The following UST variants were observed in gnomAD, a reference collection of about 807,000 sequenced individuals.
UST encodes the protein chondroitin sulfate 2-O-sulfotransferase.
Under a neutral mutation model 45.6 loss-of-function variants are expected in UST, and 21 were observed. The observed-to-expected ratio is 0.46, with a 90% CI of 0.33 to 0.66. UST has a LOEUF of 0.66. UST is among the 30% of genes least tolerant of loss of function. The pLI is 0.02. For synonymous variants in UST, 215 were observed against 200.6 expected, an observed-to-expected ratio of 1.07 and a Z score of -0.61; for missense variants, 463 against 512.4, an observed-to-expected ratio of 0.90 and a Z score of 0.93.
intron 1 of UST, among the ~76,000 whole-genome samples, chr6:148,880,648 G>T (rs1257569489): frequency 1.3e-5 from 2 of 152,152 alleles, no homozygotes; most frequent in African/African-American, 4.8e-5. Context: ...ATCATGAAGG[G>T]CTAGATGGGT....
intron 4 of UST, among the ~76,000 whole-genome samples, chr6:148,961,732 A>G (rs935934640): frequency 1.3e-5 from 2 of 152,224 alleles, no homozygotes; most frequent in Non-Finnish European, 2.9e-5. Context: ...ACTGTATGGG[A>G]TGGTAGGGTA....
At chr6:148,862,577 A>T (rs1778340363) in intron 1 of UST, among the ~76,000 whole-genome samples, 1 of 152,184 alleles carries the variant, frequency 6.6e-6, no homozygotes, top group Non-Finnish European at 1.5e-5. Context: ...TAGTTGATGC[A>T]GTTTCTTTCT....
intron 1 of UST, among the ~76,000 whole-genome samples, chr6:148,877,882 G>A (rs538099366): frequency 1.1e-4 from 12 of 107,974 alleles, no homozygotes; most frequent in East Asian, 3.2e-4. Flanking sequence ...TGTGGGGATC[G>A]TGTATGAGTT....
intron 2 of UST, among the ~76,000 whole-genome samples, chr6:148,893,866 G>C (rs1430748245): frequency 6.6e-6 from 1 of 152,162 alleles, no homozygotes; most frequent in Non-Finnish European, 1.5e-5. Context: ...GATAACCTGG[G>C]ATGCGGACAG....
intron 5 of UST, among the ~76,000 whole-genome samples, chr6:149,017,802 A>G (rs1481548791): frequency 5.9e-5 from 1 of 16,826 alleles, no homozygotes; most frequent in Non-Finnish European, 1.0e-4. Context: ...CCATATATAC[A>G]CACACACACA....
intron 1 of UST, among the ~76,000 whole-genome samples, chr6:148,886,048 T>A (rs1306876891): frequency 6.6e-6 from 1 of 152,206 alleles, no homozygotes; most frequent in Non-Finnish European, 1.5e-5. Flanking sequence ...CATCTTTGGC[T>A]CCCCAGGTGA....
intron 7 of UST, among the ~76,000 whole-genome samples, chr6:149,053,196 T>A (rs528354809): frequency 7.9e-5 from 12 of 152,360 alleles, no homozygotes; most frequent in African/African-American, 2.4e-4. Flanking sequence ...GTTAAATTTA[T>A]AGTGAATTGA....
intron 1 of UST, among the ~76,000 whole-genome samples, chr6:148,818,363 C>T (rs1487984293): frequency 6.6e-6 from 1 of 152,170 alleles, no homozygotes. Flanking sequence ...TCTAATATCA[C>T]TTTTCATTGG....
At chr6:148,964,893 G>C (rs868269481) in intron 5 of UST, among the ~76,000 whole-genome samples, 1 of 152,208 alleles carries the variant, frequency 6.6e-6, no homozygotes, top group Non-Finnish European at 1.5e-5. Flanking sequence ...AAGGTGTTGG[G>C]GGGGTGTCTG....
chr6:149,007,463 ATTTTTTT>A (rs11312436), intron 5 of UST, among the ~76,000 whole-genome samples: 2 of 130,766 alleles, frequency 1.5e-5, no homozygotes, highest in Non-Finnish European at 3.3e-5. Context: ...AATTTTTTGT[ATTTTTTT>A]TTTTTTTTTT....
At chr6:149,028,948 T>A (rs1398722640) in intron 7 of UST, among the ~76,000 whole-genome samples, 1 of 152,118 alleles carries the variant, frequency 6.6e-6, no homozygotes, top group Non-Finnish European at 1.5e-5. Flanking sequence ...CTTGAAAAAC[T>A]GTTTTCCATG....
chr6:148,824,090 G>A (rs1044967046), intron 1 of UST, among the ~76,000 whole-genome samples: 3 of 152,202 alleles, frequency 2.0e-5, no homozygotes, highest in African/African-American at 4.8e-5. Flanking sequence ...TTAATGTTCT[G>A]AGAATTTTTC....
chr6:149,068,432 T>C (rs1483448607), intron 7 of UST, among the ~76,000 whole-genome samples: 2 of 152,236 alleles, frequency 1.3e-5, no homozygotes, highest in African/African-American at 4.8e-5. Flanking sequence ...GTACAAGTGC[T>C]TAGCTCAGTG....
chr6:148,984,917 G>A (rs552943128), intron 5 of UST, among the ~76,000 whole-genome samples: 1 of 152,314 alleles, frequency 6.6e-6, no homozygotes, highest in East Asian at 1.9e-4. Context: ...CAAGAGGAAT[G>A]GATAAAGACA....
chr6:148,955,361 T>C (rs1217473598), intron 4 of UST, among the ~76,000 whole-genome samples: 1 of 152,220 alleles, frequency 6.6e-6, no homozygotes, highest in Middle Eastern at 3.2e-3. Context: ...GTGCAAAGAA[T>C]GAGATTCAGT....
At chr6:148,840,085 T>C (rs1777861209) in intron 1 of UST, among the ~76,000 whole-genome samples, 1 of 152,176 alleles carries the variant, frequency 6.6e-6, no homozygotes, top group Non-Finnish European at 1.5e-5. Context: ...AGAGGGTATC[T>C]AATACAAGAG....
chr6:148,816,593 C>A (rs1052643349), intron 1 of UST, among the ~76,000 whole-genome samples: 5 of 152,038 alleles, frequency 3.3e-5, no homozygotes, highest in African/African-American at 1.2e-4. Flanking sequence ...AAACCAAAAC[C>A]CAACAAAAGA....
chr6:148,905,016 T>A (rs1779328904), intron 2 of UST, among the ~76,000 whole-genome samples: 1 of 152,202 alleles, frequency 6.6e-6, no homozygotes, highest in Admixed American at 6.5e-5. Context: ...CTAGTCCTCA[T>A]CCTGGCAAAG....
At chr6:148,847,086 C>G (rs1357527653) in intron 1 of UST, among the ~76,000 whole-genome samples, 2 of 152,266 alleles carry the variant, frequency 1.3e-5, no homozygotes, top group Non-Finnish European at 2.9e-5. Flanking sequence ...GCTTGTCGAC[C>G]TCTGACCTGC....
Sources: allele counts gnomAD v4.1 joint callset (sites outside exome capture counted in the v4.1 genomes callset), GRCh38; gene constraint gnomAD v4.1.1; transcripts MANE v1.5; gene names NCBI Gene and HGNC (gene_info 2026-07-23, HGNC 2026-07-21).